The following MATN2 variants were observed in gnomAD, a reference collection of about 807,000 sequenced individuals.
MATN2 encodes matrilin-2.
In MATN2, 69 loss-of-function variants were observed where a neutral mutation model predicts 103.2. The observed-to-expected ratio is 0.67, with a 90% CI of 0.55 to 0.82. The LOEUF (loss-of-function observed/expected upper bound fraction) is 0.82. Among genes scored for constraint, MATN2 ranks in the 40% least tolerant of loss-of-function variants. MATN2 has a pLI of 0.00. For missense variants in MATN2, 1,023 were observed against 1,211.5 expected (o/e 0.84, Z 2.31); for synonymous variants, 429 against 450.2 (o/e 0.95, Z 0.60).
At chr8:97,937,569 C>T (rs1172901740) in intron 3 of MATN2, among the ~76,000 whole-genome samples, 1 of 150,800 alleles carries the variant, frequency 6.6e-6, no homozygotes, top group Non-Finnish European at 1.5e-5. Flanking sequence ...CTTTTAATTC[C>T]CCCTCCCCAC....
At chr8:98,010,258 C>T (rs1379339418) in intron 10 of MATN2, among the ~76,000 whole-genome samples, 1 of 152,136 alleles carries the variant, frequency 6.6e-6, no homozygotes, top group Non-Finnish European at 1.5e-5. Flanking sequence ...GCTCTCCTCT[C>T]CTCCTCCCAC....
chr8:97,914,944 T>G (rs1809571327), intron 2 of MATN2, among the ~76,000 whole-genome samples: 1 of 152,190 alleles, frequency 6.6e-6, no homozygotes, highest in Admixed American at 6.5e-5. Flanking sequence ...TTGGGACTGG[T>G]GATCTACTCC....
At position 97,928,218 on chromosome 8, in the gene MATN2, CT is replaced by C. The variant is rs34226792; in HGVS notation, c.143-2711del. 2.6e-3 allele frequency among the ~76,000 whole-genome samples: 231 copies of C among 89,268 alleles called. 2 individuals are homozygous for C. The highest frequency in any genetic ancestry group is 8.9e-3 in the African/African-American group (196 of 22,030). The allele number at this position is 89,268 out of a possible 152,430, so 58.6% of individuals were successfully genotyped here. A position where few individuals can be genotyped will look rare whatever the true frequency, so the allele number is the denominator to read the frequency against. On this transcript the variant is annotated intron_variant, in intron 2 of 18. Coordinates refer to ENST00000254898, the MANE Select transcript of MATN2 (RefSeq NM_002380.5). ...ATGAAAATTAGAAAAGCACTCCTGC[CT>C]TTTTTTTTTTTTTTTTTTTTTTTCT...
At position 98,018,063 on chromosome 8, in the gene MATN2, C is replaced by G. The variant is rs766096246; in HGVS notation, c.1766C>G (p.Thr589Arg). 2.7e-5 allele frequency: 43 copies of G among 1,613,894 alleles called. No individual in the cohort carries two copies. The highest frequency in any genetic ancestry group is 3.6e-5 in the Non-Finnish European group (43 of 1,179,786). Residue 589 changes from threonine to arginine, a missense_variant, in exon 12 of 19, where the codon ACG (threonine) becomes AGG (arginine). Transcript: ENST00000254898. ...TGTGTGAACAGTGATGACTCATACA[C>G]GTGCGAGTGCTTGGAGGGATTCCGG... ...HICVNSDDSY[T>R]CECLEGFRLA...
chr8:98,005,291 T>G lies in MATN2; in HGVS notation c.1327+1508T>G, dbSNP rs926661279. Among the ~76,000 whole-genome samples, 1 of 152,216 alleles carries G rather than the reference T, an allele frequency of 6.6e-6. No individual in the cohort carries two copies. ...GCCTGCTGTACGTTGCCTCTGCATG[T>G]CTCTGAGTCCTTTTGAGAGGCCAGC... On this transcript the variant is annotated intron_variant, in intron 8 of 18. Transcript: ENST00000254898. The surrounding 1 kb of genome is among the most constrained non-coding windows in gnomAD (Gnocchi z 4.6).
chr8:97,905,376 A>G (rs1370624765), intron 2 of MATN2, among the ~76,000 whole-genome samples: 2 of 152,088 alleles, frequency 1.3e-5, no homozygotes, highest in Non-Finnish European at 2.9e-5. Flanking sequence ...TAATGAAGCA[A>G]TAACTCCTCA....
intron 10 of MATN2, among the ~76,000 whole-genome samples, chr8:98,008,233 T>TAAAA (rs35203972): frequency 4.0e-5 from 6 of 148,568 alleles, no homozygotes; most frequent in African/African-American, 1.5e-4. Flanking sequence ...TTGTCTCAAT[T>TAAAA]AAAAAAAAAA....
chr8:97,905,482 TC>T (rs1819136650), intron 2 of MATN2, among the ~76,000 whole-genome samples: 1 of 152,218 alleles, frequency 6.6e-6, no homozygotes, highest in African/African-American at 2.4e-5. Context: ...ATCATATTTA[TC>T]CTTTGGTTGT....
chr8:97,885,033 C>T (rs970760949), intron 1 of MATN2, among the ~76,000 whole-genome samples: 5 of 152,226 alleles, frequency 3.3e-5, no homozygotes, highest in African/African-American at 1.2e-4. Context: ...CACCTATCCT[C>T]AGTGCCTTTT....
At chr8:97,940,177 T>C (rs542352537) in intron 3 of MATN2, among the ~76,000 whole-genome samples, 1 of 152,326 alleles carries the variant, frequency 6.6e-6, no homozygotes, top group South Asian at 2.1e-4. Flanking sequence ...TGGTGGCTCA[T>C]GTCTGTGATC....
At chr8:97,934,604 T>C (rs1403730831) in intron 3 of MATN2, among the ~76,000 whole-genome samples, 4 of 152,214 alleles carry the variant, frequency 2.6e-5, no homozygotes, top group Non-Finnish European at 5.9e-5. Context: ...GTTAAGGACA[T>C]GCCTGGAGAA....
chr8:97,877,890 G>A lies in MATN2; in HGVS notation c.-27+8603G>A, dbSNP rs540096714. Among the ~76,000 whole-genome samples, 20 of 152,260 alleles carry A rather than the reference G, an allele frequency of 1.3e-4. No homozygotes were observed. In the South Asian group the frequency reaches 3.1e-3, roughly 24 times the overall value. ...CAGTGAGTGTCCAAAGTGTATGTGG[G>A]GTAAGGCCCCATGCCCTGTGCCTGG... is the stretch of plus-strand genomic sequence containing the variant. On this transcript the variant is annotated intron_variant, in intron 1 of 18. Transcript: ENST00000254898.
chr8:97,968,180 G>T (rs1263878326), intron 5 of MATN2, among the ~76,000 whole-genome samples: 1 of 152,236 alleles, frequency 6.6e-6, no homozygotes. Context: ...CAGGGCAGTA[G>T]TGCCCTGGAC....
chr8:97,979,033 CAG>C, intron 6 of MATN2, 25 bp downstream of exon 6: 1 of 1,590,536 alleles, frequency 6.3e-7, no homozygotes, highest in Non-Finnish European at 8.6e-7. Flanking sequence ...CATGCACACA[CAG>C]AGAAATATTT....
chr8:98,010,092 C>T (rs986090826), intron 10 of MATN2, among the ~76,000 whole-genome samples: 4 of 152,296 alleles, frequency 2.6e-5, no homozygotes, highest in Middle Eastern at 3.4e-3. Flanking sequence ...TGCAGAACCC[C>T]CTCTTCCACT....
intron 18 of MATN2, 89 bp from the exon 19 acceptor site, chr8:98,035,568 G>C (rs1814209725): frequency 1.3e-6 from 1 of 776,976 alleles, no homozygotes; most frequent in Non-Finnish European, 2.0e-6. Flanking sequence ...TTAGATTTCA[G>C]AAGCCAAAAT....
At chr8:97,987,713 C>T (rs1473740040) in intron 6 of MATN2, among the ~76,000 whole-genome samples, 3 of 152,132 alleles carry the variant, frequency 2.0e-5, no homozygotes, top group East Asian at 1.9e-4. Context: ...AACACTGATC[C>T]TAGTGCCTGT....
intron 4 of MATN2, among the ~76,000 whole-genome samples, chr8:97,952,730 CTG>C (rs1226337534): frequency 6.6e-6 from 1 of 152,098 alleles, no homozygotes; most frequent in Non-Finnish European, 1.5e-5. Flanking sequence ...ATTTTGCTGA[CTG>C]TCAGATACAT....
At chr8:97,902,371 C>T (rs2130035118) in intron 2 of MATN2, among the ~76,000 whole-genome samples, 1 of 151,462 alleles carries the variant, frequency 6.6e-6, no homozygotes, top group Non-Finnish European at 1.5e-5. Context: ...GTGGCGGGCA[C>T]CTGTAATCCC....
Sources: gnomAD v4.1 joint callset for allele counts (sites outside exome capture counted in the v4.1 genomes callset) on GRCh38, gnomAD v4.1.1 for gene constraint, Gnocchi (gnomAD v3.1) non-coding constraint, MANE v1.5 for transcripts, NCBI Gene and HGNC (gene_info 2026-07-23, HGNC 2026-07-21) for gene names.